The following LIPI variants were observed in gnomAD, a reference collection of about 807,000 sequenced individuals.
LIPI encodes the protein lipase I.
In LIPI, 59 loss-of-function variants were observed where a neutral mutation model predicts 50.6. The ratio of observed to expected loss-of-function variants is 1.16; its 90% CI spans 0.94 to 1.45. The LOEUF is 1.45. Among genes scored for constraint, LIPI ranks in the 40% most tolerant of loss-of-function variants. The probability of loss-of-function intolerance (pLI) is 0.00; values close to 1 mark genes in which losing one functional copy is unlikely to be tolerated. For missense variants in LIPI, 586 were observed against 536.3 expected (o/e 1.09, Z -0.92); for synonymous variants, 203 against 178.2 (o/e 1.14, Z -1.11).
chr21:14,151,280 T>C (rs1192250885), intron 8 of LIPI, among the ~76,000 whole-genome samples: 1 of 152,204 alleles, frequency 6.6e-6, no homozygotes, highest in Non-Finnish European at 1.5e-5. Context: ...TTCACTGCCA[T>C]TGTTTGTGAA....
Position 14,134,599 on chromosome 21 carries a change from G to A in LIPI, c.1295+10024C>T, listed in dbSNP as rs539313994. Among the ~76,000 whole-genome samples, 9 of 152,168 alleles carry A rather than the reference G, an allele frequency of 5.9e-5. No homozygotes were observed. In the South Asian group the frequency reaches 1.0e-3, roughly 18 times the overall value. On this transcript the variant is annotated intron_variant, in intron 9 of 9. Transcript: ENST00000681601. Reference sequence around the variant, plus strand: ...GTACTGGTATAAAAATAGACACACAGATCAATGGAACAGAATAGAGAACAC... The same window carrying A: ...GTACTGGTATAAAAATAGACACACAAATCAATGGAACAGAATAGAGAACAC...
intron 9 of LIPI, among the ~76,000 whole-genome samples, chr21:14,135,553 C>G (rs1411809778): frequency 6.6e-6 from 1 of 152,068 alleles, no homozygotes; most frequent in African/African-American, 2.4e-5. Context: ...TCTGTTAGAG[C>G]AAAAGGAAAA....
chr21:14,122,858 A>G (rs1224404357), intron 9 of LIPI, among the ~76,000 whole-genome samples: 4 of 152,216 alleles, frequency 2.6e-5, no homozygotes, highest in African/African-American at 7.2e-5. Flanking sequence ...AAAAGACTCA[A>G]TGAGCTAAAG....
intron 4 of LIPI, among the ~76,000 whole-genome samples, chr21:14,168,067 T>C (rs1268075850): frequency 6.6e-6 from 1 of 152,130 alleles, no homozygotes; most frequent in Non-Finnish European, 1.5e-5. Context: ...ATGTGAAGAA[T>C]GCAGAAGACT....
At chr21:14,131,264 T>A (rs2122997969) in intron 9 of LIPI, among the ~76,000 whole-genome samples, 1 of 152,198 alleles carries the variant, frequency 6.6e-6, no homozygotes, top group South Asian at 2.1e-4. Context: ...AAATCATCCC[T>A]CCAGGACCAA....
At chr21:14,162,981 G>GT (rs2018546432) in intron 7 of LIPI, among the ~76,000 whole-genome samples, 1 of 151,098 alleles carries the variant, frequency 6.6e-6, no homozygotes, top group African/African-American at 2.4e-5. Flanking sequence ...TCTTCTACAA[G>GT]TTTTCTCCTC....
At chr21:14,201,361 A>G (rs369465737) in intron 1 of LIPI, among the ~76,000 whole-genome samples, 4 of 152,080 alleles carry the variant, frequency 2.6e-5, no homozygotes, top group East Asian at 3.9e-4. Context: ...CTATGCATCC[A>G]ACAAAGGTCT....
At chr21:14,198,888 A>C (rs532485849) in intron 1 of LIPI, among the ~76,000 whole-genome samples, 1 of 152,278 alleles carries the variant, frequency 6.6e-6, no homozygotes, top group South Asian at 2.1e-4. Flanking sequence ...AAACAAAAGA[A>C]ATGAAATCAT....
chr21:14,185,820 T>C, intron 3 of LIPI, 141 bp downstream of exon 3: 1 of 586,422 alleles, frequency 1.7e-6, no homozygotes, highest in Non-Finnish European at 3.0e-6. Context: ...GAAGCAGAGG[T>C]TGCAGTGAGC....
chr21:14,183,554 GAA>G (rs1325110228), intron 3 of LIPI, among the ~76,000 whole-genome samples: 7 of 152,102 alleles, frequency 4.6e-5, no homozygotes, highest in Admixed American at 4.6e-4. Context: ...TAGAATGGGA[GAA>G]AATTTTTGCA....
intron 8 of LIPI, among the ~76,000 whole-genome samples, chr21:14,151,282 G>A (rs1466663882): frequency 6.6e-6 from 1 of 152,122 alleles, no homozygotes; most frequent in Non-Finnish European, 1.5e-5. Flanking sequence ...CACTGCCATT[G>A]TTTGTGAATG....
chr21:14,140,074 C>T (rs1335441811), intron 9 of LIPI, among the ~76,000 whole-genome samples: 3 of 152,030 alleles, frequency 2.0e-5, no homozygotes, highest in Non-Finnish European at 2.9e-5. Flanking sequence ...TGACATAACC[C>T]ACTTTTAAAA....
chr21:14,202,403 G>A (rs4563320), intron 1 of LIPI, among the ~76,000 whole-genome samples: 47,859 of 151,676 alleles, frequency 0.32, 7,506 homozygotes, highest in Middle Eastern at 0.37. Flanking sequence ...GAACAAAGCT[G>A]GAGGCATCAT....
At chr21:14,160,166 T>G (rs12626269) in intron 7 of LIPI, among the ~76,000 whole-genome samples, 4,310 of 151,256 alleles carry the variant, frequency 0.028, 200 homozygotes, top group East Asian at 0.22. Flanking sequence ...CACTAGAAGA[T>G]CTAAAATAAT....
intron 7 of LIPI, among the ~76,000 whole-genome samples, chr21:14,157,829 T>A (rs958175226): frequency 1.3e-5 from 2 of 151,880 alleles, no homozygotes; most frequent in African/African-American, 4.8e-5. Context: ...GCATGGAGTG[T>A]TGACTCTATT....
intron 8 of LIPI, 23 bp downstream of exon 8, chr21:14,152,550 A>C: frequency 8.8e-7 from 1 of 1,137,582 alleles, no homozygotes; most frequent in Non-Finnish European, 1.3e-6. Context: ...ATATGAGAGA[A>C]GAAAATAGTA....
intron 6 of LIPI, among the ~76,000 whole-genome samples, chr21:14,164,982 T>G (rs1372313411): frequency 6.6e-6 from 1 of 152,172 alleles, no homozygotes; most frequent in Non-Finnish European, 1.5e-5. Context: ...CCATCTAATC[T>G]GCCCACTACA....
intron 9 of LIPI, chr21:14,143,728 A>G (rs2017798436): frequency 6.6e-6 from 1 of 152,108 alleles, no homozygotes; most frequent in Non-Finnish European, 1.5e-5. Flanking sequence ...TATAAAAGAG[A>G]TTTTTAATAA....
chr21:14,184,261 G>A (rs2019376777), intron 3 of LIPI, among the ~76,000 whole-genome samples: 2 of 152,158 alleles, frequency 1.3e-5, no homozygotes, highest in Admixed American at 1.3e-4. Flanking sequence ...TCACTCATAG[G>A]TGGGAATTGA....
Sources: allele counts gnomAD v4.1 joint callset (sites outside exome capture counted in the v4.1 genomes callset), GRCh38; gene constraint gnomAD v4.1.1; transcripts MANE v1.5; gene names NCBI Gene and HGNC (gene_info 2026-07-23, HGNC 2026-07-21).